The following PTPRT variants were observed in gnomAD, a reference collection of about 807,000 sequenced individuals.
The protein encoded by PTPRT is protein tyrosine phosphatase receptor type T.
In PTPRT, 56 loss-of-function variants were observed where a neutral mutation model predicts 176.8. The ratio of observed to expected loss-of-function variants is 0.32; its 90% CI spans 0.26 to 0.40. PTPRT has a LOEUF of 0.40. Among genes scored for constraint, PTPRT ranks in the 10% least tolerant of loss-of-function variants. The probability of loss-of-function intolerance (pLI) is 1.00; values close to 1 mark genes in which losing one functional copy is unlikely to be tolerated. For synonymous variants in PTPRT, 783 were observed against 739.0 expected (o/e 1.06, Z -0.96); for missense variants, 1,540 against 1,908.2 (o/e 0.81, Z 3.60).
At chr20:42,126,487 G>T (rs1359526293) in intron 19 of PTPRT, among the ~76,000 whole-genome samples, 1 of 152,162 alleles carries the variant, frequency 6.6e-6, no homozygotes, top group African/African-American at 2.4e-5. Flanking sequence ...GGTGATGTTG[G>T]TACATGAAAG....
chr20:43,038,233 C>T (rs117390457), intron 1 of PTPRT, among the ~76,000 whole-genome samples: 4,964 of 151,018 alleles, frequency 0.033, 119 homozygotes, highest in Non-Finnish European at 0.052. Flanking sequence ...AAACACATTT[C>T]GCCCAAAGGG....
chr20:43,116,132 C>A (rs930148229), intron 1 of PTPRT, among the ~76,000 whole-genome samples: 8 of 152,162 alleles, frequency 5.3e-5, no homozygotes, highest in African/African-American at 1.9e-4. Context: ...AATGAAGACA[C>A]CCAAGAATCA....
chr20:42,726,430 C>T (rs775667063), intron 6 of PTPRT, among the ~76,000 whole-genome samples: 25 of 152,148 alleles, frequency 1.6e-4, no homozygotes, highest in Non-Finnish European at 2.6e-4. Flanking sequence ...CAGGGGCCTA[C>T]GGCCATGGAG....
chr20:42,992,238 G>T (rs1181621095), intron 1 of PTPRT, among the ~76,000 whole-genome samples: 1 of 152,196 alleles, frequency 6.6e-6, no homozygotes, highest in Non-Finnish European at 1.5e-5. Flanking sequence ...ATGAGAGAAA[G>T]AACTTGAGGT....
chr20:43,066,651 T>C (rs2011114586), intron 1 of PTPRT, among the ~76,000 whole-genome samples: 1 of 152,160 alleles, frequency 6.6e-6, no homozygotes, highest in Non-Finnish European at 1.5e-5. Context: ...TCACCTTAGG[T>C]CACCTCTACC....
At chr20:42,402,643 G>A (rs1204852779) in intron 9 of PTPRT, among the ~76,000 whole-genome samples, 1 of 152,086 alleles carries the variant, frequency 6.6e-6, no homozygotes, top group Non-Finnish European at 1.5e-5. Flanking sequence ...GGGCACACAA[G>A]AGGAAAGGGG....
At chr20:42,111,021 A>G (rs1373888468) in intron 22 of PTPRT, among the ~76,000 whole-genome samples, 2 of 152,204 alleles carry the variant, frequency 1.3e-5, no homozygotes, top group Non-Finnish European at 2.9e-5. Flanking sequence ...ATTCTTACTT[A>G]GAATGATTAC....
chr20:42,758,740 A>G (rs2076873211), intron 5 of PTPRT, among the ~76,000 whole-genome samples: 1 of 152,234 alleles, frequency 6.6e-6, no homozygotes, highest in Non-Finnish European at 1.5e-5. Context: ...TGGGGCTGTA[A>G]GAGGAGAATC....
At chr20:42,511,073 C>T (rs956315096) in intron 7 of PTPRT, among the ~76,000 whole-genome samples, 2 of 152,028 alleles carry the variant, frequency 1.3e-5, no homozygotes, top group African/African-American at 4.8e-5. Context: ...CCTGAGGTAG[C>T]ACATTGCATA....
chr20:42,222,592 C>T (rs1022663259), intron 15 of PTPRT, among the ~76,000 whole-genome samples: 3 of 152,064 alleles, frequency 2.0e-5, no homozygotes, highest in Non-Finnish European at 2.9e-5. Flanking sequence ...TTATGAAGCT[C>T]CCCTAAGAAC....
intron 1 of PTPRT, among the ~76,000 whole-genome samples, chr20:42,892,080 AAGAAGT>A (rs2079202838): frequency 6.6e-6 from 1 of 152,222 alleles, no homozygotes; most frequent in African/African-American, 2.4e-5. Context: ...TGCTCTAAGA[AAGAAGT>A]ATTGCTTTCT....
intron 1 of PTPRT, among the ~76,000 whole-genome samples, chr20:43,010,552 A>C (rs1420824196): frequency 1.3e-5 from 2 of 152,204 alleles, no homozygotes; most frequent in African/African-American, 4.8e-5. Context: ...GTTGGATGAG[A>C]TATTGAGGTA....
intron 17 of PTPRT, among the ~76,000 whole-genome samples, chr20:42,153,179 A>C (rs1022692361): frequency 2.0e-5 from 3 of 152,240 alleles, no homozygotes; most frequent in African/African-American, 7.2e-5. Flanking sequence ...CAAGACCACG[A>C]GCTTTCTTTA....
intron 8 of PTPRT, among the ~76,000 whole-genome samples, chr20:42,457,874 C>A (rs569138108): frequency 1.3e-5 from 2 of 152,134 alleles, no homozygotes; most frequent in Non-Finnish European, 2.9e-5. Context: ...TTGCCATATG[C>A]CCTGGACGTA....
intron 7 of PTPRT, among the ~76,000 whole-genome samples, chr20:42,624,090 G>C (rs1418161666): frequency 6.6e-6 from 1 of 151,722 alleles, no homozygotes; most frequent in African/African-American, 2.4e-5. Flanking sequence ...ACTTGTACCA[G>C]GCACTGTCCT....
chr20:42,842,987 G>T (rs2078305756), intron 2 of PTPRT, among the ~76,000 whole-genome samples: 1 of 152,148 alleles, frequency 6.6e-6, no homozygotes, highest in African/African-American at 2.4e-5. Flanking sequence ...TACGAATTTG[G>T]AAGAGGGAGA....
intron 1 of PTPRT, among the ~76,000 whole-genome samples, chr20:43,073,554 TTA>T (rs565283249): frequency 6.6e-6 from 1 of 151,720 alleles, no homozygotes; most frequent in Non-Finnish European, 1.5e-5. Flanking sequence ...CATGTGTTTT[TTA>T]TATATATAAA....
intron 7 of PTPRT, among the ~76,000 whole-genome samples, chr20:42,534,767 A>C (rs951039018): frequency 1.3e-5 from 2 of 152,136 alleles, no homozygotes; most frequent in Non-Finnish European, 2.9e-5. Flanking sequence ...TGCAGTCTGG[A>C]TGCCTATTTA....
At chr20:43,082,999 C>T (rs1221143598) in intron 1 of PTPRT, among the ~76,000 whole-genome samples, 4 of 151,950 alleles carry the variant, frequency 2.6e-5, no homozygotes, top group Admixed American at 6.6e-5. Context: ...AGATTTCTTT[C>T]CTGCTATATA....
Sources: gnomAD v4.1 joint callset for allele counts (sites outside exome capture counted in the v4.1 genomes callset) on GRCh38, gnomAD v4.1.1 for gene constraint, MANE v1.5 for transcripts, NCBI Gene and HGNC (gene_info 2026-07-23, HGNC 2026-07-21) for gene names.